Variants in ADAM28 observed in about 807,000 individuals in gnomAD.
ADAM28 encodes the protein disintegrin and metalloproteinase domain-containing protein 28.
Under a neutral mutation model 101.2 loss-of-function variants are expected in ADAM28, and 105 were observed. That is an observed-to-expected ratio of 1.04 (90% CI 0.89 to 1.22). The LOEUF (loss-of-function observed/expected upper bound fraction) is 1.22. ADAM28 is among the 50% of genes most tolerant of loss of function. The pLI is 0.00. For synonymous variants in ADAM28, 322 were observed against 310.6 expected, an observed-to-expected ratio of 1.04 and a Z score of -0.39; for missense variants, 1,028 against 945.4, an observed-to-expected ratio of 1.09 and a Z score of -1.15.
At chr8:24,312,308 T>C (rs1310800602) in intron 5 of ADAM28, among the ~76,000 whole-genome samples, 15 of 152,104 alleles carry the variant, frequency 9.9e-5, no homozygotes, top group Non-Finnish European at 1.8e-4. Context: ...ATGTTCTTTA[T>C]TTTAATCAAT....
At chr8:24,337,547 A>G (rs965039794) in intron 14 of ADAM28, among the ~76,000 whole-genome samples, 3 of 152,204 alleles carry the variant, frequency 2.0e-5, no homozygotes, top group Non-Finnish European at 4.4e-5. Flanking sequence ...GTCTGGCTTT[A>G]GTAAAAAGCT....
chr8:24,349,004 G>A (rs1019449127), intron 18 of ADAM28, among the ~76,000 whole-genome samples: 1 of 152,080 alleles, frequency 6.6e-6, no homozygotes, highest in African/African-American at 2.4e-5. Flanking sequence ...ATGGAGGGTG[G>A]CGAGTAGCGA....
chr8:24,352,472 T>C (rs143255800), intron 21 of ADAM28, among the ~76,000 whole-genome samples: 1 of 152,188 alleles, frequency 6.6e-6, no homozygotes, highest in Non-Finnish European at 1.5e-5. Context: ...TATCCTCACA[T>C]AGCAGAGGGA....
At chr8:24,317,155 TA>T (rs950741996) in intron 6 of ADAM28, among the ~76,000 whole-genome samples, 4 of 151,766 alleles carry the variant, frequency 2.6e-5, no homozygotes, top group South Asian at 4.1e-4. Context: ...GCAGTCCTTA[TA>T]AAAACCCCAA....
chr8:24,338,628 G>A (rs534350828), intron 14 of ADAM28, among the ~76,000 whole-genome samples: 19 of 152,132 alleles, frequency 1.2e-4, no homozygotes, highest in South Asian at 4.1e-4. Context: ...CATGAAATTC[G>A]TTTAAAAGTA....
chr8:24,341,730 C>T lies in ADAM28; in HGVS notation c.1803C>T (p.Ala601=), dbSNP rs1814792390. The T allele has an allele frequency of 6.2e-7, 1 of 1,613,622 alleles. No homozygotes were observed. The highest frequency in any genetic ancestry group is 8.5e-7 in the Non-Finnish European group (1 of 1,179,736). The change falls in exon 16 of 23, where the codon GCC becomes GCT. Residue 601 remains alanine, a synonymous_variant. Coordinates refer to ENST00000265769, the MANE Select transcript of ADAM28 (RefSeq NM_014265.6). ...CAAGTCAAGAAATAGGCATGGTGGC[C>T]AATGGAACTAAGTGTGGCGATAACA... ...EDTSQEIGMV[A]NGTKCGDNKV...
chr8:24,307,379 C>T (rs140263621), intron 2 of ADAM28, among the ~76,000 whole-genome samples: 101 of 152,250 alleles, frequency 6.6e-4, no homozygotes, highest in African/African-American at 2.2e-3. Flanking sequence ...CTGTCAGCTA[C>T]GCCAGGGTTG....
chr8:24,295,336 C>T (rs1336996473), intron 1 of ADAM28, among the ~76,000 whole-genome samples: 3 of 152,092 alleles, frequency 2.0e-5, no homozygotes, highest in African/African-American at 7.2e-5. Context: ...CCTATTTTGT[C>T]TGATGTGAAC....
At chr8:24,343,706 T>G in intron 18 of ADAM28, 122 bp downstream of exon 18, 1 of 833,026 alleles carries the variant, frequency 1.2e-6, no homozygotes, top group African/African-American at 1.7e-5. Context: ...CTGTTGATGT[T>G]GAATCCACAA....
chr8:24,343,493 A>C lies in ADAM28; in HGVS notation c.1912-13A>C. 6.2e-7 allele frequency: 1 copy of C among 1,613,434 alleles called. No homozygotes were observed. Among genetic ancestry groups the C allele is most frequent in the Non-Finnish European group, 8.5e-7 (1 of 1,179,608 alleles). On this transcript the variant is annotated splice_polypyrimidine_tract_variant and intron_variant, in intron 17 of 22. Coordinates refer to ENST00000265769, the MANE Select transcript of ADAM28 (RefSeq NM_014265.6). ...GCCTAGCGGGGACAGTAACAGGATC[A>C]TTGCTCCCCTAGGTGTGTGACCATG...
intron 18 of ADAM28, among the ~76,000 whole-genome samples, chr8:24,346,015 TA>T (rs1458087131): frequency 2.0e-5 from 3 of 152,042 alleles, no homozygotes; most frequent in Non-Finnish European, 4.4e-5. Flanking sequence ...ATTTCTTATC[TA>T]ACCATCAAGG....
chr8:24,335,454 G>T lies in ADAM28; in HGVS notation c.1380G>T (p.Lys460Asn). Reference protein sequence around the residue: ...GECCEKCQFKKAGMVCRPAKD... With the variant: ...GECCEKCQFKNAGMVCRPAKD... ...TTTTTGTTTTTCTACAGTTTAAAAA[G>T]GCTGGGATGGTGTGCAGACCAGCAA... Residue 460 changes from lysine (K) to asparagine (N), a missense_variant, in exon 14 of 23, where the codon AAG becomes AAT. By Grantham distance (94) the Lys-to-Asn change is moderately conservative (BLOSUM62 0). Transcript: ENST00000265769. 6.2e-7 allele frequency: 1 copy of T among 1,610,276 alleles called. No homozygotes were observed. Among genetic ancestry groups the T allele is most frequent in the Non-Finnish European group, 8.5e-7 (1 of 1,178,200 alleles).
intron 14 of ADAM28, among the ~76,000 whole-genome samples, chr8:24,336,533 TC>T (rs1392803332): frequency 2.3e-4 from 32 of 137,172 alleles, no homozygotes; most frequent in African/African-American, 7.8e-4. Context: ...TCAGCAGAGA[TC>T]GTGCCACTGC....
At chr8:24,350,346 C>G (rs1815944167) in intron 19 of ADAM28, among the ~76,000 whole-genome samples, 1 of 152,134 alleles carries the variant, frequency 6.6e-6, no homozygotes, top group Admixed American at 6.5e-5. Context: ...GAGTCTCCCT[C>G]TGTGGCCCAG....
intron 10 of ADAM28, among the ~76,000 whole-genome samples, chr8:24,328,007 GAC>G (rs1312673428): frequency 2.0e-5 from 3 of 151,962 alleles, no homozygotes; most frequent in African/African-American, 7.3e-5. Context: ...AAACCCCCAT[GAC>G]ACAGTTTACG....
At position 24,356,286 on chromosome 8, in the gene ADAM28, TTTTTTA is replaced by T. The variant is rs1563338745; in HGVS notation, c.*1883_*1888del. The T allele has an allele frequency of 3.3e-5, 5 of 152,220 alleles. No individual in the cohort carries two copies. Among genetic ancestry groups the T allele is most frequent in the African/African-American group, 4.8e-5 (2 of 41,446 alleles). The allele number at this position is 152,220 out of a possible 1,614,324, so 9.4% of individuals were successfully genotyped here. ...GAACTTTTCTGTGTTGTTGTTGTTG[TTTTTTA>T]AATATCTGTCCCCAGTAATAGATTC... On this transcript the variant is annotated 3_prime_UTR_variant, in exon 23 of 23. Transcript: ENST00000265769.
chr8:24,349,905 A>C lies in ADAM28; in HGVS notation c.2032A>C (p.Ile678Leu). 1 of 1,613,700 alleles carries C rather than the reference A, an allele frequency of 6.2e-7. No homozygotes were observed. The highest frequency in any genetic ancestry group is 8.5e-7 in the Non-Finnish European group (1 of 1,179,788). The change falls in exon 19 of 23, where the codon ATT becomes CTT. Residue 678 changes from isoleucine to leucine, a missense_variant. Physicochemically the swap from Ile to Leu is conservative, Grantham distance 5 (BLOSUM62 2). Coordinates refer to ENST00000265769, the MANE Select transcript of ADAM28 (RefSeq NM_014265.6). ...TGGGGTGCTGTTCCCAATGGCGGTC[A>C]TTTTTGTGGTGGTTGCTATGGTAAT... Reference protein sequence around the residue: ...VVGVLFPMAVIFVVVAMVIRH... With the variant: ...VVGVLFPMAVLFVVVAMVIRH...
intron 2 of ADAM28, 107 bp from the exon 3 acceptor site, chr8:24,309,787 A>T: frequency 1.2e-6 from 1 of 827,000 alleles, no homozygotes; most frequent in Non-Finnish European, 2.0e-6. Flanking sequence ...ATTTGGTATT[A>T]TACTGCTAAA....
chr8:24,294,692 T>C (rs1807731171), intron 1 of ADAM28, among the ~76,000 whole-genome samples: 1 of 152,210 alleles, frequency 6.6e-6, no homozygotes, highest in Non-Finnish European at 1.5e-5. Flanking sequence ...TGTGACTAAC[T>C]GGAAATAATT....
Sources: gnomAD v4.1 joint callset for allele counts (sites outside exome capture counted in the v4.1 genomes callset) on GRCh38, gnomAD v4.1.1 for gene constraint, MANE v1.5 for transcripts, NCBI Gene and HGNC (gene_info 2026-07-23, HGNC 2026-07-21) for gene names.